TCTN1: variants seen among roughly 807,000 people sequenced by gnomAD.
TCTN1 encodes the protein tectonic-1.
A neutral mutation model predicts 65.8 loss-of-function variants in TCTN1; 58 were observed. The ratio of observed to expected loss-of-function variants is 0.88; its 90% CI spans 0.71 to 1.10. TCTN1 has a LOEUF of 1.10. Among genes scored for constraint, TCTN1 ranks in the 50% least tolerant of loss-of-function variants. The pLI is 0.00. For missense variants in TCTN1, 645 were observed against 719.4 expected, an observed-to-expected ratio of 0.90 and a Z score of 1.18; for synonymous variants, 273 against 289.1, an observed-to-expected ratio of 0.94 and a Z score of 0.57.
At position 110,647,314 on chromosome 12, in the gene TCTN1, T is replaced by C. The variant is rs1280788942; in HGVS notation, c.1613T>C (p.Leu538Pro). Residue 538 changes from leucine (L) to proline (P), a missense_variant, in exon 13 of 15, where the codon CTA becomes CCA. Physicochemically the swap from Leu to Pro is moderately conservative, Grantham distance 98. Coordinates refer to ENST00000397659, the MANE Select transcript of TCTN1 (RefSeq NM_001082538.3). ...AAAATAGTCAATGTAACTGCAAATC[T>C]AATTTCATCCTCCTTTCCTGAGGTA... ...QAKIVNVTAN[L>P]ISSSFPEANS... 6 of 1,614,252 alleles carry C rather than the reference T, an allele frequency of 3.7e-6. No individual in the cohort carries two copies. The highest frequency in any genetic ancestry group is 4.2e-6 in the Non-Finnish European group (5 of 1,180,044).
At chr12:110,624,824 C>T (rs192167212) in intron 2 of TCTN1, among the ~76,000 whole-genome samples, 22 of 151,642 alleles carry the variant, frequency 1.5e-4, no homozygotes, top group African/African-American at 4.4e-4. Context: ...TGAGGTGATC[C>T]GCTCACCTCG....
At chr12:110,619,690 C>A in intron 1 of TCTN1, 146 bp from the exon 2 acceptor site, 2 of 1,279,018 alleles carry the variant, frequency 1.6e-6, no homozygotes, top group South Asian at 1.3e-5. Flanking sequence ...GACTCATTTC[C>A]ACTTCACAAA....
rs367948438 is a variant in TCTN1, at chr12:110,634,660, T to C, written c.713-10T>C. 6.3e-7 allele frequency: 1 copy of C among 1,591,368 alleles called. No homozygotes were observed. Among genetic ancestry groups the C allele is most frequent in the Admixed American group, 1.8e-5 (1 of 57,118 alleles). Reference sequence around the variant, plus strand: ...ATTTTTTTTTCCTTGGGAATGTTAATGATTTCTAGCGTTTCTGGTGAACCA... The same window carrying C: ...ATTTTTTTTTCCTTGGGAATGTTAACGATTTCTAGCGTTTCTGGTGAACCA... On this transcript the variant is annotated splice_polypyrimidine_tract_variant and intron_variant, in intron 5 of 14. Transcript: ENST00000397659.
Position 110,634,792 on chromosome 12 carries a change from T to C in TCTN1, c.822+13T>C, listed in dbSNP as rs1490460808. ...GGAAATTCTGAGGGTAAGAATTATT[T>C]TGAAGTGGAACTTACTCATTAGGTA... On this transcript the variant is annotated intron_variant, in intron 6 of 14. Transcript: ENST00000397659. 1.9e-6 allele frequency: 3 copies of C among 1,581,292 alleles called. No individual in the cohort carries two copies. Among genetic ancestry groups the C allele is most frequent in the Admixed American group, 1.7e-5 (1 of 58,214 alleles).
chr12:110,631,831 T>A (rs1183204507), intron 4 of TCTN1, among the ~76,000 whole-genome samples: 2 of 152,196 alleles, frequency 1.3e-5, no homozygotes, highest in African/African-American at 4.8e-5. Flanking sequence ...TAAAAATGAA[T>A]GGAAAATTTA....
In TCTN1 at chr12:110,639,476, G is replaced by A. The variant is rs563099246; in HGVS notation, c.844-907G>A. Reference sequence around the variant, plus strand: ...TGTGTGTGTGTATGTGTGTGTGAGCGTGCTTGCGCTTGTATAGAAGTTGTG... The same window carrying A: ...TGTGTGTGTGTATGTGTGTGTGAGCATGCTTGCGCTTGTATAGAAGTTGTG... On this transcript the variant is annotated intron_variant, in intron 7 of 14. Coordinates refer to ENST00000397659, the MANE Select transcript of TCTN1 (RefSeq NM_001082538.3). This position sits in a 1 kb window ranked among gnomAD's most constrained non-coding sequence, Gnocchi z 4.9. Among the ~76,000 whole-genome samples the A allele has an allele frequency of 3.3e-5, 5 of 152,076 alleles. No homozygotes were observed. The highest frequency in any genetic ancestry group is 7.4e-5 in the Non-Finnish European group (5 of 67,980).
intron 13 of TCTN1, 97 bp from the exon 14 acceptor site, chr12:110,647,652 A>G (rs747584577): frequency 4.3e-5 from 67 of 1,566,690 alleles, no homozygotes; most frequent in Non-Finnish European, 2.2e-5. Flanking sequence ...TCATGAACTG[A>G]CAGTAGTTGG....
At chr12:110,641,786 G>T (rs2066972167) in intron 10 of TCTN1, among the ~76,000 whole-genome samples, 159 bp downstream of exon 10, 1 of 152,156 alleles carries the variant, frequency 6.6e-6, no homozygotes, top group South Asian at 2.1e-4. Flanking sequence ...CGGCCAGTCT[G>T]GCTACACAGC....
chr12:110,623,958 T>C (rs1345426270), intron 2 of TCTN1, among the ~76,000 whole-genome samples: 1 of 152,212 alleles, frequency 6.6e-6, no homozygotes. Context: ...ATGAAGCCAC[T>C]TATAATATTG....
Position 110,641,073 on chromosome 12 carries a change from ATC to A in TCTN1, c.1033_1034del (p.Ser345IlefsTer7), listed in dbSNP as rs946558941. The A allele has an allele frequency of 6.2e-7, 1 of 1,614,258 alleles. No homozygotes were observed. The highest frequency in any genetic ancestry group is 1.3e-5 in the African/African-American group (1 of 75,076). On this transcript the variant is annotated frameshift_variant, in exon 9 of 15. Transcript: ENST00000397659. LOFTEE classifies it high-confidence loss of function. ...GATGCAGGTGAAGTCACCAAAGCTG[ATC>A]TCTCATTCGTTCTGGGGACAGTTAG...
rs1273675179 is a variant in TCTN1, at chr12:110,639,971, A to G, written c.844-412A>G. Among the ~76,000 whole-genome samples, 2 of 152,146 alleles carry G rather than the reference A, an allele frequency of 1.3e-5. No individual in the cohort carries two copies. The highest frequency in any genetic ancestry group is 4.8e-5 in the African/African-American group (2 of 41,448). On this transcript the variant is annotated intron_variant, in intron 7 of 14. Coordinates refer to ENST00000397659, the MANE Select transcript of TCTN1 (RefSeq NM_001082538.3). The surrounding 1 kb of genome is among the most constrained non-coding windows in gnomAD (Gnocchi z 4.9). ...ATGACTTAGCATGTTTTTAAGATTC[A>G]TCTGTACTGTGGCATGTATTAGTAC...
chr12:110,639,662 G>A lies in TCTN1; in HGVS notation c.844-721G>A, dbSNP rs564183033. 6.6e-6 allele frequency among the ~76,000 whole-genome samples: 1 copy of A among 152,160 alleles called. No homozygotes were observed. The highest frequency in any genetic ancestry group is 2.1e-4 in the South Asian group (1 of 4,820). On this transcript the variant is annotated intron_variant, in intron 7 of 14. Coordinates refer to ENST00000397659, the MANE Select transcript of TCTN1 (RefSeq NM_001082538.3). This position sits in a 1 kb window ranked among gnomAD's most constrained non-coding sequence, Gnocchi z 4.9. ...GCTTGACAGTGTGATGGAGTTTTGT[G>A]TGTATTTGAGATATAATTCATATAC...
In TCTN1 at chr12:110,649,178, A is replaced by C. The variant is rs758319414; in HGVS notation, c.*137A>C. 1 of 683,430 alleles carries C rather than the reference A, an allele frequency of 1.5e-6. No homozygotes were observed. 42.3% of individuals were successfully genotyped at this position (683,430 alleles called of 1,614,324 possible). A position where few individuals can be genotyped will look rare whatever the true frequency, so the allele number is the denominator to read the frequency against. ...TTCAATTAAGGCTAAAGTGTTCAAC[A>C]TGAGAAAATGTGATACATTTGATAC... On this transcript the variant is annotated 3_prime_UTR_variant, in exon 15 of 15. Coordinates refer to ENST00000397659, the MANE Select transcript of TCTN1 (RefSeq NM_001082538.3).
intron 4 of TCTN1, 173 bp downstream of exon 4, chr12:110,629,091 A>T: frequency 1.3e-6 from 1 of 757,902 alleles, no homozygotes; most frequent in Non-Finnish European, 2.1e-6. Flanking sequence ...AAAACTGAAT[A>T]TTTGAAGATG....
chr12:110,633,136 C>G (rs1047850440), intron 5 of TCTN1, among the ~76,000 whole-genome samples: 5 of 152,196 alleles, frequency 3.3e-5, no homozygotes, highest in Admixed American at 1.3e-4. Flanking sequence ...CTGTGCTCCC[C>G]TATGCTCCTC....
intron 10 of TCTN1, 145 bp from the exon 11 acceptor site, chr12:110,642,104 G>T (rs1337003044): frequency 2.4e-5 from 25 of 1,032,160 alleles, no homozygotes; most frequent in Middle Eastern, 3.0e-4. Flanking sequence ...TTTTTTGCCT[G>T]CTCCTGGGAA....
In TCTN1 at chr12:110,638,692, T is replaced by C. The variant is rs61319304; in HGVS notation, c.844-1691T>C. Reference sequence around the variant, plus strand: ...TGACACCAGGACTCTCCAAAGCTCATTGACACTGAATCCTTCGGTTTTTGC... The same window carrying C: ...TGACACCAGGACTCTCCAAAGCTCACTGACACTGAATCCTTCGGTTTTTGC... On this transcript the variant is annotated intron_variant, in intron 7 of 14. Transcript: ENST00000397659. Among the ~76,000 whole-genome samples, 1,005 of 152,306 alleles carry C rather than the reference T, an allele frequency of 6.6e-3. 18 individuals are homozygous for C. Among genetic ancestry groups the C allele is most frequent in the African/African-American group, 0.021 (865 of 41,556 alleles).
At chr12:110,646,342 C>A (rs919509597) in intron 12 of TCTN1, 1 of 151,996 alleles carries the variant, frequency 6.6e-6, no homozygotes, top group African/African-American at 2.4e-5. Context: ...TTCGCAGCCA[C>A]CAAATTTAGC....
At position 110,628,925 on chromosome 12, in the gene TCTN1, C is replaced by T; in HGVS notation, c.624+7C>T. 1 of 1,613,250 alleles carries T rather than the reference C, an allele frequency of 6.2e-7. No individual in the cohort carries two copies. The highest frequency in any genetic ancestry group is 1.1e-5 in the South Asian group (1 of 91,022). ...TACTGCTGCTAAATATGAGGTGAGCCTGAACTTGATTGATTCTTTTCATCC... is the reference window on the plus strand; with the variant it reads ...TACTGCTGCTAAATATGAGGTGAGCTTGAACTTGATTGATTCTTTTCATCC... On this transcript the variant is annotated splice_region_variant and intron_variant, in intron 4 of 14. Coordinates refer to ENST00000397659, the MANE Select transcript of TCTN1 (RefSeq NM_001082538.3).
Sources: gnomAD v4.1 joint callset for allele counts (sites outside exome capture counted in the v4.1 genomes callset) on GRCh38, gnomAD v4.1.1 for gene constraint, Gnocchi (gnomAD v3.1) non-coding constraint, MANE v1.5 for transcripts, NCBI Gene and HGNC (gene_info 2026-07-23, HGNC 2026-07-21) for gene names.